Variants in PTPRA observed in about 807,000 individuals in gnomAD.
PTPRA encodes the protein protein tyrosine phosphatase receptor type A.
A neutral mutation model predicts 104.8 loss-of-function variants in PTPRA; 25 were observed. The ratio of observed to expected loss-of-function variants is 0.24; its 90% confidence interval spans 0.17 to 0.33. The LOEUF is 0.33. PTPRA is among the 10% of genes least tolerant of loss of function. PTPRA has a pLI of 1.00. For missense variants in PTPRA, 765 were observed against 1,015.3 expected (o/e 0.75, Z 3.35); for synonymous variants, 323 against 368.9 (o/e 0.88, Z 1.43).
At chr20:3,024,291 C>A (rs1433877898) in intron 16 of PTPRA, among the ~76,000 whole-genome samples, 181 bp from the exon 17 acceptor site, 1 of 152,140 alleles carries the variant, frequency 6.6e-6, no homozygotes, top group African/African-American at 2.4e-5. Flanking sequence ...AAAGCACCCC[C>A]ACAGGGACTC....
the PTPRA span, among the ~76,000 whole-genome samples, chr20:2,868,333 G>A: frequency 3.8e-5 from 4 of 104,754 alleles, no homozygotes; most frequent in South Asian, 2.9e-4. Flanking sequence ...TTTTTTTTGC[G>A]TGGTAGAGAT....
intron 9 of PTPRA, among the ~76,000 whole-genome samples, chr20:2,995,310 G>A (rs965800847): frequency 1.3e-5 from 2 of 152,258 alleles, no homozygotes; most frequent in Middle Eastern, 3.4e-3. Context: ...TAGAGACGGG[G>A]TCTTGTTGTG....
the PTPRA span, chr20:2,865,794 AG>A: frequency 2.1e-6 from 1 of 483,304 alleles, no homozygotes; most frequent in Non-Finnish European, 3.7e-6. This position sits in a 1 kb window ranked among gnomAD's most constrained non-coding sequence, Gnocchi z 5.2. Flanking sequence ...AGGAGGGTGG[AG>A]GGGGCACAGG....
chr20:2,878,671 C>T lies in PTPRA; in HGVS notation c.-129+4911C>T, dbSNP rs371174222. On this transcript the variant is annotated intron_variant, in intron 1 of 23. Transcript: ENST00000399903. ...CTCACCAAGTCAGAGGATACAGTTT[C>T]GGTGCCTAATTGCAATCTGGAAAGG... is the stretch of plus-strand genomic sequence containing the variant. Among the ~76,000 whole-genome samples the T allele has an allele frequency of 1.2e-3, 178 of 152,322 alleles. 3 individuals are homozygous for T. The highest frequency in any genetic ancestry group is 3.8e-3 in the African/African-American group (159 of 41,574).
chr20:3,027,158 C>A lies in PTPRA; in HGVS notation c.1746C>A (p.Gly582=). ...FNRVIIPVKR[G]EENTDYVNAS... is the part of the protein sequence containing the mutation. ...GAGTGATCATTCCAGTTAAGCGGGGCGAAGAGAATACAGACTATGTGAACG... is the reference window on the plus strand; with the variant it reads ...GAGTGATCATTCCAGTTAAGCGGGGAGAAGAGAATACAGACTATGTGAACG... Residue 582 remains glycine (G), a synonymous_variant, in exon 19 of 24, where the codon GGC becomes GGA. Transcript: ENST00000399903. The A allele has an allele frequency of 6.2e-7, 1 of 1,614,074 alleles. No homozygotes were observed. Among genetic ancestry groups the A allele is most frequent in the Non-Finnish European group, 8.5e-7 (1 of 1,179,990 alleles).
intron 2 of PTPRA, among the ~76,000 whole-genome samples, chr20:2,930,695 T>C (rs2060473045): frequency 6.6e-6 from 1 of 152,154 alleles, no homozygotes; most frequent in Non-Finnish European, 1.5e-5. Flanking sequence ...TTCACATGAT[T>C]ATCTTCTTAT....
rs144273699 is a variant in PTPRA at position 2,989,985 on chromosome 20, G to C, written c.738+1511G>C. 1.7e-3 allele frequency among the ~76,000 whole-genome samples: 264 copies of C among 152,266 alleles called. 5 individuals are homozygous for C. The highest frequency in any genetic ancestry group is 0.014 in the South Asian group (66 of 4,828). On this transcript the variant is annotated intron_variant, in intron 9 of 23. Coordinates refer to ENST00000399903, the MANE Select transcript of PTPRA (RefSeq NM_001385305.1). ...TGAGCCGAGATCATGCTACTGCACT[G>C]CAGCCTGGGCAACAGAGGGAGACCC...
intron 1 of PTPRA, among the ~76,000 whole-genome samples, chr20:2,894,687 T>C (rs2058926276): frequency 6.6e-6 from 1 of 152,052 alleles, no homozygotes; most frequent in Non-Finnish European, 1.5e-5. Flanking sequence ...AGATTGTACG[T>C]ATAAGATTTA....
intron 9 of PTPRA, among the ~76,000 whole-genome samples, chr20:2,995,312 CTTG>C (rs1348708790): frequency 6.6e-6 from 1 of 152,088 alleles, no homozygotes; most frequent in Non-Finnish European, 1.5e-5. Flanking sequence ...GAGACGGGGT[CTTG>C]TTGTGTTGCC....
At chr20:2,993,917 A>G (rs572510603) in intron 9 of PTPRA, among the ~76,000 whole-genome samples, 1 of 152,312 alleles carries the variant, frequency 6.6e-6, no homozygotes, top group Non-Finnish European at 1.5e-5. Context: ...GCCCTGACAG[A>G]CAGGCAGGCA....
intron 12 of PTPRA, 25 bp downstream of exon 12, chr20:3,015,910 G>A (rs1229596446): frequency 6.5e-7 from 1 of 1,542,916 alleles, no homozygotes; most frequent in Non-Finnish European, 9.0e-7. Context: ...ACTTTTTTCT[G>A]TTAGATTTAA....
rs760449996 is a variant in PTPRA, at chr20:3,032,610, A to G, written c.1921-2975A>G. Among the ~76,000 whole-genome samples, 22 of 151,902 alleles carry G rather than the reference A, an allele frequency of 1.4e-4. 2 individuals carry two copies. The highest frequency in any genetic ancestry group is 2.9e-4 in the Non-Finnish European group (20 of 67,910). On this transcript the variant is annotated intron_variant, in intron 20 of 23. Transcript: ENST00000399903. Reference sequence around the variant, plus strand: ...GCAAAACCCCATCTCTACTAAAAATACAAAAATTAGCTGGGCGCGATGGTG... The same window carrying G: ...GCAAAACCCCATCTCTACTAAAAATGCAAAAATTAGCTGGGCGCGATGGTG...
intron 16 of PTPRA, among the ~76,000 whole-genome samples, chr20:3,023,456 C>T (rs1420821169): frequency 8.5e-5 from 13 of 152,196 alleles, no homozygotes; most frequent in Non-Finnish European, 1.9e-4. Context: ...ATCGTACATT[C>T]TATTTACTGA....
At chr20:2,943,220 C>CT (rs1450982620) in intron 2 of PTPRA, among the ~76,000 whole-genome samples, 1 of 147,614 alleles carries the variant, frequency 6.8e-6, no homozygotes, top group Non-Finnish European at 1.5e-5. Flanking sequence ...CCCACCCCCC[C>CT]CCCAGATAAG....
At chr20:2,916,907 A>G (rs2059920892) in intron 1 of PTPRA, among the ~76,000 whole-genome samples, 1 of 150,996 alleles carries the variant, frequency 6.6e-6, no homozygotes, top group Non-Finnish European at 1.5e-5. Context: ...TGTTTTGGCC[A>G]TTCGGAGTCC....
At chr20:2,909,815 G>T (rs1175130260) in intron 1 of PTPRA, among the ~76,000 whole-genome samples, 1 of 115,408 alleles carries the variant, frequency 8.7e-6, no homozygotes, top group Non-Finnish European at 1.6e-5. Flanking sequence ...TATAATATAA[G>T]ATAATATATA....
Position 3,007,013 on chromosome 20 carries a change from AT to A in PTPRA, c.830-325del, listed in dbSNP as rs1430158840. On this transcript the variant is annotated intron_variant, in intron 10 of 23. Coordinates refer to ENST00000399903, the MANE Select transcript of PTPRA (RefSeq NM_001385305.1). ...GTGGGTATGTGTATATATAATACAT[AT>A]TTTTTAATATGATTGGTATACTGTA... Among the ~76,000 whole-genome samples, 9 of 152,210 alleles carry A rather than the reference AT, an allele frequency of 5.9e-5. No individual in the cohort carries two copies. The South Asian group carries it at 1.9e-3, about 32-fold the overall frequency.
chr20:2,876,105 G>A (rs2089700612), intron 1 of PTPRA, among the ~76,000 whole-genome samples: 1 of 152,166 alleles, frequency 6.6e-6, no homozygotes, highest in Non-Finnish European at 1.5e-5. Flanking sequence ...GATCATTTGG[G>A]GGCAATATAG....
At position 2,910,025 on chromosome 20, in the gene PTPRA, CAT is replaced by C. The variant is rs1221468166; in HGVS notation, c.-128-13177_-128-13176del. ...CTATCATATATCATATATAATCTAT[CAT>C]ATATCATATCATATATAATATATAT... On this transcript the variant is annotated intron_variant, in intron 1 of 23. Transcript: ENST00000399903. Among the ~76,000 whole-genome samples the C allele has an allele frequency of 8.6e-5, 7 of 80,956 alleles. No homozygotes were observed. In the South Asian group the frequency reaches 9.0e-4, roughly 10 times the overall value. The allele number at this position is 80,956 out of a possible 152,430, so 53.1% of individuals were successfully genotyped here.
Sources: gnomAD v4.1 joint callset for allele counts (sites outside exome capture counted in the v4.1 genomes callset) on GRCh38, gnomAD v4.1.1 for gene constraint, Gnocchi (gnomAD v3.1) non-coding constraint, MANE v1.5 for transcripts, NCBI Gene and HGNC (gene_info 2026-07-23, HGNC 2026-07-21) for gene names.